Variants in PHACTR1 observed in about 807,000 individuals in gnomAD.
PHACTR1 encodes the protein phosphatase and actin regulator 1.
In PHACTR1, 16 loss-of-function variants were observed where a neutral mutation model predicts 69.2. That is an observed-to-expected ratio of 0.23 (90% confidence interval 0.16 to 0.35). The LOEUF (loss-of-function observed/expected upper bound fraction) is 0.35, where lower values mean the gene tolerates loss of function less well. Among genes scored for constraint, PHACTR1 ranks in the 10% least tolerant of loss-of-function variants. PHACTR1 has a pLI of 1.00. For missense variants in PHACTR1, 510 were observed against 734.7 expected, an observed-to-expected ratio of 0.69 and a Z score of 3.54; for synonymous variants, 312 against 284.5, an observed-to-expected ratio of 1.10 and a Z score of -0.97.
At chr6:12,950,379 C>T (rs1025873292) in intron 4 of PHACTR1, among the ~76,000 whole-genome samples, 2 of 152,186 alleles carry the variant, frequency 1.3e-5, no homozygotes, top group African/African-American at 4.8e-5. Flanking sequence ...ATTACTTCTA[C>T]CATACTGTGT....
chr6:13,048,522 T>TTGTGTGTG (rs70989824), intron 4 of PHACTR1, among the ~76,000 whole-genome samples: 30,382 of 142,718 alleles, frequency 0.21, 3,637 homozygotes, highest in East Asian at 0.48. Context: ...TTCCATTTCT[T>TTGTGTGTG]TGTGTGTGTG....
chr6:12,856,470 G>A (rs1045836500), intron 4 of PHACTR1, among the ~76,000 whole-genome samples: 2 of 152,006 alleles, frequency 1.3e-5, no homozygotes, highest in Non-Finnish European at 2.9e-5. Context: ...AGCCAGGATG[G>A]TCTTCTCGAT....
chr6:12,984,937 T>C (rs1312597515), intron 4 of PHACTR1, among the ~76,000 whole-genome samples: 1 of 152,224 alleles, frequency 6.6e-6, no homozygotes, highest in Non-Finnish European at 1.5e-5. Flanking sequence ...ACCAAATGAC[T>C]AAAATAGTTA....
intron 4 of PHACTR1, among the ~76,000 whole-genome samples, chr6:12,888,667 T>C (rs1783877375): frequency 6.6e-6 from 1 of 152,198 alleles, no homozygotes; most frequent in Non-Finnish European, 1.5e-5. Context: ...ACCATTCACT[T>C]ATCTAGAGAA....
chr6:13,179,715 GA>G lies in PHACTR1; in HGVS notation c.497-2803del, dbSNP rs1761930014. On this transcript the variant is annotated intron_variant, in intron 6 of 14. Transcript: ENST00000332995. This position sits in a 1 kb window ranked among gnomAD's most constrained non-coding sequence, Gnocchi z 4.2. Reference sequence around the variant, plus strand: ...ATAAGTAGATAGAGATAGATAGATAGATAGATAGATAGATAGATAGATAGAT... The same window carrying G: ...ATAAGTAGATAGAGATAGATAGATAGTAGATAGATAGATAGATAGATAGAT... Among the ~76,000 whole-genome samples, 1 of 104,416 alleles carries G rather than the reference GA, an allele frequency of 9.6e-6. No individual in the cohort carries two copies. Among genetic ancestry groups the G allele is most frequent in the East Asian group, 3.3e-4 (1 of 2,988 alleles). The allele number at this position is 104,416 out of a possible 152,430, so 68.5% of individuals were successfully genotyped here.
chr6:13,092,470 G>A (rs1461297048), intron 5 of PHACTR1, among the ~76,000 whole-genome samples: 3 of 152,168 alleles, frequency 2.0e-5, no homozygotes, highest in Non-Finnish European at 4.4e-5. Context: ...ATTTGAGATC[G>A]TCAAGATCTC....
At chr6:13,172,476 G>A (rs1489620487) in intron 6 of PHACTR1, among the ~76,000 whole-genome samples, 1 of 152,186 alleles carries the variant, frequency 6.6e-6, no homozygotes, top group African/African-American at 2.4e-5. Context: ...GGAGGCTGAA[G>A]GCAGGGGAAG....
intron 7 of PHACTR1, among the ~76,000 whole-genome samples, chr6:13,199,749 G>T (rs928449432): frequency 6.6e-6 from 1 of 151,848 alleles, no homozygotes; most frequent in Non-Finnish European, 1.5e-5. Flanking sequence ...GATAGAAATA[G>T]AATAAAAGAT....
chr6:13,286,785 A>G (rs1781775626), intron 14 of PHACTR1, among the ~76,000 whole-genome samples: 1 of 152,264 alleles, frequency 6.6e-6, no homozygotes, highest in Admixed American at 6.5e-5. Context: ...GAAATAGGAT[A>G]TAGCAAGTAT....
intron 5 of PHACTR1, among the ~76,000 whole-genome samples, chr6:13,117,291 T>C (rs1817958570): frequency 6.6e-6 from 1 of 152,222 alleles, no homozygotes; most frequent in African/African-American, 2.4e-5. Context: ...AGATGCCATG[T>C]TTAGTGAGTT....
At chr6:13,044,051 A>G (rs1434674118) in intron 4 of PHACTR1, among the ~76,000 whole-genome samples, 2 of 152,222 alleles carry the variant, frequency 1.3e-5, no homozygotes, top group East Asian at 3.9e-4. Context: ...AATAACATCT[A>G]TTAGCTCAAT....
intron 4 of PHACTR1, among the ~76,000 whole-genome samples, chr6:12,993,681 C>T (rs548303655): frequency 1.3e-5 from 2 of 152,296 alleles, no homozygotes; most frequent in African/African-American, 2.4e-5. Context: ...GAGCTGTAAG[C>T]CCAGGGGATC....
At chr6:12,888,772 C>T (rs1332844) in intron 4 of PHACTR1, among the ~76,000 whole-genome samples, 93,430 of 152,052 alleles carry the variant, frequency 0.61, 29,187 homozygotes, top group East Asian at 0.92. Context: ...TTCTCTCTCA[C>T]GTTATATGTG....
intron 4 of PHACTR1, among the ~76,000 whole-genome samples, chr6:12,920,393 T>G (rs908845777): frequency 9.9e-5 from 15 of 152,214 alleles, no homozygotes; most frequent in African/African-American, 3.1e-4. Flanking sequence ...GCTTCTTTCT[T>G]CCCCAGTGTG....
intron 10 of PHACTR1, among the ~76,000 whole-genome samples, chr6:13,258,633 C>A (rs1775512149): frequency 6.6e-6 from 1 of 152,202 alleles, no homozygotes; most frequent in African/African-American, 2.4e-5. Flanking sequence ...GGTGGCCCTG[C>A]ACCAGTTTTG....
chr6:12,838,128 G>A (rs1317466803), intron 4 of PHACTR1, among the ~76,000 whole-genome samples: 1 of 152,234 alleles, frequency 6.6e-6, no homozygotes, highest in Admixed American at 6.5e-5. Flanking sequence ...TAACCAGCAA[G>A]TGAAAGCGTT....
At chr6:12,721,625 C>G (rs1762143157) in intron 3 of PHACTR1, among the ~76,000 whole-genome samples, 2 of 152,152 alleles carry the variant, frequency 1.3e-5, no homozygotes, top group Non-Finnish European at 2.9e-5. Context: ...ATGAGAGTCC[C>G]TCTCCCTCCA....
chr6:12,912,224 T>C (rs1052027393), intron 4 of PHACTR1, among the ~76,000 whole-genome samples: 1 of 152,214 alleles, frequency 6.6e-6, no homozygotes, highest in African/African-American at 2.4e-5. Context: ...GGTCTTGAAC[T>C]CCTGACCTCA....
At chr6:13,254,134 G>A (rs1774865419) in intron 10 of PHACTR1, among the ~76,000 whole-genome samples, 1 of 152,086 alleles carries the variant, frequency 6.6e-6, no homozygotes, top group Non-Finnish European at 1.5e-5. Flanking sequence ...AGGCTGAGGT[G>A]GGAGAATTAC....
Sources: allele counts gnomAD v4.1 joint callset (sites outside exome capture counted in the v4.1 genomes callset), GRCh38; gene constraint gnomAD v4.1.1; non-coding constraint Gnocchi (gnomAD v3.1); transcripts MANE v1.5; gene names NCBI Gene and HGNC (gene_info 2026-07-23, HGNC 2026-07-21).